The following ROBO2 variants were observed in gnomAD, a reference collection of about 807,000 sequenced individuals.
ROBO2 encodes roundabout homolog 2.
In ROBO2, 53 loss-of-function variants were observed where a neutral mutation model predicts 160.8. The ratio of observed to expected loss-of-function variants is 0.33; its 90% CI spans 0.26 to 0.41. The LOEUF (loss-of-function observed/expected upper bound fraction) is 0.41, where lower values mean the gene tolerates loss of function less well. ROBO2 is among the 10% of genes least tolerant of loss of function. ROBO2 has a pLI of 1.00. For missense variants in ROBO2, 1,577 were observed against 1,722.4 expected (o/e 0.92, Z 1.49); for synonymous variants, 664 against 611.7 (o/e 1.09, Z -1.26).
chr3:77,096,262 T>C (rs1454845028), intron 1 of ROBO2, among the ~76,000 whole-genome samples: 1 of 152,168 alleles, frequency 6.6e-6, no homozygotes, highest in African/African-American at 2.4e-5. Context: ...ATAATCATTA[T>C]GTCCCCATAT....
At chr3:77,289,589 C>G (rs1391475668) in intron 2 of ROBO2, among the ~76,000 whole-genome samples, 2 of 149,550 alleles carry the variant, frequency 1.3e-5, no homozygotes, top group Non-Finnish European at 3.0e-5. Flanking sequence ...GCTAGATCAC[C>G]AAAGACATAA....
At chr3:76,801,105 T>G (rs1051818597) in intron 2 of ROBO2, among the ~76,000 whole-genome samples, 3 of 152,148 alleles carry the variant, frequency 2.0e-5, no homozygotes, top group Non-Finnish European at 4.4e-5. Context: ...TGCAACAACA[T>G]GTATAACACT....
At chr3:75,930,120 G>C (rs1947472375) in intron 1 of ROBO2, among the ~76,000 whole-genome samples, 1 of 152,098 alleles carries the variant, frequency 6.6e-6, no homozygotes, top group Non-Finnish European at 1.5e-5. Flanking sequence ...CCCATTTTTT[G>C]ACATCTTTAT....
chr3:77,565,236 C>G, intron 12 of ROBO2, 116 bp downstream of exon 13: 1 of 1,157,088 alleles, frequency 8.6e-7, no homozygotes. Flanking sequence ...TGATGGCTCA[C>G]TAGGCTTTAT....
intron 1 of ROBO2, among the ~76,000 whole-genome samples, chr3:75,919,212 A>G (rs1191635887): frequency 6.6e-6 from 1 of 152,168 alleles, no homozygotes; most frequent in African/African-American, 2.4e-5. Flanking sequence ...GATATGTTCC[A>G]TCAATACCTA....
intron 2 of ROBO2, among the ~76,000 whole-genome samples, chr3:77,112,248 AG>A (rs1044462157): frequency 7.6e-5 from 2 of 26,188 alleles, no homozygotes; most frequent in Non-Finnish European, 1.5e-4. Context: ...TGGGGGGTGG[AG>A]GGGGGGACGC....
chr3:76,827,390 T>C (rs1369878395), intron 2 of ROBO2, among the ~76,000 whole-genome samples: 1 of 152,198 alleles, frequency 6.6e-6, no homozygotes, highest in Non-Finnish European at 1.5e-5. Context: ...CCCAAGTAGG[T>C]GATTCATTTG....
At chr3:77,472,046 T>C (rs2083406623) in intron 2 of ROBO2, among the ~76,000 whole-genome samples, 1 of 152,172 alleles carries the variant, frequency 6.6e-6, no homozygotes, top group Non-Finnish European at 1.5e-5. Context: ...TGCTACTCAC[T>C]GGGTGCTCTT....
chr3:76,169,694 G>A (rs2072969320), intron 2 of ROBO2, among the ~76,000 whole-genome samples: 1 of 152,092 alleles, frequency 6.6e-6, no homozygotes, highest in Non-Finnish European at 1.5e-5. Flanking sequence ...ATTTATTGAT[G>A]TACAGTGGAT....
chr3:77,208,343 G>A (rs2083680907), intron 2 of ROBO2, among the ~76,000 whole-genome samples: 1 of 152,112 alleles, frequency 6.6e-6, no homozygotes, highest in Non-Finnish European at 1.5e-5. Flanking sequence ...CAATTGATTA[G>A]GCTCTATGTT....
chr3:76,073,449 G>A (rs928365895), intron 2 of ROBO2, among the ~76,000 whole-genome samples: 1 of 150,664 alleles, frequency 6.6e-6, no homozygotes, highest in Admixed American at 6.6e-5. Context: ...CCGCCCCCAC[G>A]CCCGGCTAAT....
Position 76,434,980 on chromosome 3 carries a change from A to G in ROBO2, c.109+497378A>G. 3 of 1,571,618 alleles carry G rather than the reference A, an allele frequency of 1.9e-6. No individual in the cohort carries two copies. The South Asian group carries it at 3.3e-5, about 18-fold the overall frequency. The stretch of plus-strand genomic sequence containing the variant: ...CCAGCTGTACTTGAACTGGAGGGTA[A>G]GAAGTGGAGAGTGGAAAATCAGGAA... On this transcript the variant is annotated intron_variant, in intron 2 of 26. Transcript: ENST00000487694.
At chr3:76,774,092 T>A (rs779199100) in intron 2 of ROBO2, among the ~76,000 whole-genome samples, 1 of 150,940 alleles carries the variant, frequency 6.6e-6, no homozygotes, top group Non-Finnish European at 1.5e-5. Flanking sequence ...GTAAATATGT[T>A]CAGAAACTAA....
intron 2 of ROBO2, among the ~76,000 whole-genome samples, chr3:76,522,147 A>G (rs951118880): frequency 7.2e-5 from 11 of 152,280 alleles, no homozygotes; most frequent in African/African-American, 2.4e-4. Flanking sequence ...CTCTGTATCC[A>G]GTATGTTTAT....
chr3:76,730,225 C>T (rs1175604620), intron 2 of ROBO2, among the ~76,000 whole-genome samples: 6 of 81,958 alleles, frequency 7.3e-5, no homozygotes, highest in Non-Finnish European at 1.5e-4. Context: ...ACTCCCTACC[C>T]ACCTCTCCTC....
intron 2 of ROBO2, among the ~76,000 whole-genome samples, chr3:76,570,944 C>A (rs111254236): frequency 0.025 from 3,740 of 152,048 alleles, 165 homozygotes; most frequent in African/African-American, 0.086. Flanking sequence ...TCATGTATGA[C>A]AAAACTGTAT....
intron 2 of ROBO2, among the ~76,000 whole-genome samples, chr3:76,045,559 G>A (rs1288655242): frequency 6.6e-6 from 1 of 152,002 alleles, no homozygotes; most frequent in Non-Finnish European, 1.5e-5. Context: ...GGGGACCATT[G>A]TATTTTTCAG....
At chr3:76,857,451 G>T (rs1241897334) in intron 2 of ROBO2, among the ~76,000 whole-genome samples, 1 of 152,098 alleles carries the variant, frequency 6.6e-6, no homozygotes, top group Non-Finnish European at 1.5e-5. Context: ...AAATTAGAGG[G>T]CATTTTCCTA....
intron 2 of ROBO2, among the ~76,000 whole-genome samples, chr3:77,467,893 C>T (rs924749629): frequency 6.6e-6 from 1 of 152,156 alleles, no homozygotes; most frequent in African/African-American, 2.4e-5. Flanking sequence ...AGACAGTTGC[C>T]TGTGGAGGAG....
Sources: allele counts gnomAD v4.1 joint callset (sites outside exome capture counted in the v4.1 genomes callset), GRCh38; gene constraint gnomAD v4.1.1; transcripts MANE v1.5; gene names NCBI Gene and HGNC (gene_info 2026-07-23, HGNC 2026-07-21).